The following SLC35F3 variants were observed in gnomAD, a reference collection of about 807,000 sequenced individuals.
SLC35F3 encodes the protein solute carrier family 35 member F3, also known as putative thiamine transporter SLC35F3.
In SLC35F3, 25 loss-of-function variants were observed where a neutral mutation model predicts 49.9. The observed-to-expected ratio is 0.50, with a 90% confidence interval of 0.37 to 0.70. SLC35F3 has a LOEUF of 0.70. Ranked by LOEUF, SLC35F3 falls within the 30% of genes least tolerant of loss-of-function variation. SLC35F3 has a pLI of 0.00. For missense variants in SLC35F3, 525 were observed against 639.8 expected, an observed-to-expected ratio of 0.82 and a Z score of 1.94; for synonymous variants, 275 against 265.4, an observed-to-expected ratio of 1.04 and a Z score of -0.35.
intron 2 of SLC35F3, among the ~76,000 whole-genome samples, chr1:233,985,016 G>GT (rs34725210): frequency 6.6e-6 from 1 of 152,006 alleles, no homozygotes; most frequent in African/African-American, 2.4e-5. Flanking sequence ...GCAGGGGTTG[G>GT]GGGGGTGCCC....
chr1:234,095,033 T>A (rs1010292782), intron 2 of SLC35F3, among the ~76,000 whole-genome samples: 5 of 152,208 alleles, frequency 3.3e-5, no homozygotes, highest in Admixed American at 2.0e-4. Flanking sequence ...GCAGGGGGGT[T>A]TATCTGATCA....
intron 2 of SLC35F3, among the ~76,000 whole-genome samples, chr1:234,104,896 C>T (rs775967091): frequency 2.0e-4 from 30 of 152,182 alleles, no homozygotes; most frequent in Non-Finnish European, 4.3e-4. Flanking sequence ...TTTGGGAGGC[C>T]GAGGCAGGCG....
chr1:234,217,070 T>A (rs1207311313), intron 2 of SLC35F3, among the ~76,000 whole-genome samples: 1 of 152,222 alleles, frequency 6.6e-6, no homozygotes, highest in Non-Finnish European at 1.5e-5. Flanking sequence ...TCATTTTAAC[T>A]TGAATGCACA....
chr1:234,207,640 A>G (rs1666994420), intron 2 of SLC35F3, among the ~76,000 whole-genome samples: 1 of 151,878 alleles, frequency 6.6e-6, no homozygotes, highest in African/African-American at 2.4e-5. Flanking sequence ...TAGCCATGAC[A>G]TCTCTTTTAT....
At chr1:234,145,643 C>T (rs2102905704) in intron 2 of SLC35F3, among the ~76,000 whole-genome samples, 1 of 152,134 alleles carries the variant, frequency 6.6e-6, no homozygotes, top group East Asian at 1.9e-4. Context: ...ATTCCCTAAA[C>T]AATACAGTAC....
At chr1:234,012,362 T>G (rs984562035) in intron 2 of SLC35F3, among the ~76,000 whole-genome samples, 9 of 152,236 alleles carry the variant, frequency 5.9e-5, no homozygotes, top group Admixed American at 6.5e-5. Context: ...TTTCCTCTTT[T>G]ACTAATCCAC....
At chr1:234,242,371 A>T (rs1483032202) in intron 3 of SLC35F3, among the ~76,000 whole-genome samples, 1 of 152,186 alleles carries the variant, frequency 6.6e-6, no homozygotes, top group Non-Finnish European at 1.5e-5. Flanking sequence ...ACTTCCTCTG[A>T]TGCGTTTTCC....
intron 2 of SLC35F3, among the ~76,000 whole-genome samples, chr1:234,062,244 G>A (rs1328200744): frequency 1.3e-5 from 2 of 152,176 alleles, no homozygotes; most frequent in Admixed American, 1.3e-4. Context: ...AGTTTCTGAT[G>A]TTATTCTTTG....
At chr1:234,289,370 A>C (rs1350100355) in intron 3 of SLC35F3, among the ~76,000 whole-genome samples, 1 of 152,184 alleles carries the variant, frequency 6.6e-6, no homozygotes, top group African/African-American at 2.4e-5. Flanking sequence ...GAAGAACCAA[A>C]CTTCCCACCG....
chr1:234,172,385 C>G (rs1334928802), intron 2 of SLC35F3, among the ~76,000 whole-genome samples: 1 of 152,174 alleles, frequency 6.6e-6, no homozygotes, highest in East Asian at 1.9e-4. Flanking sequence ...TGCCACCACG[C>G]CCAGCTAATA....
In SLC35F3 at chr1:234,078,888, C is replaced by T. The variant is rs192784889; in HGVS notation, c.284-152529C>T. On this transcript the variant is annotated intron_variant, in intron 2 of 7. Coordinates refer to ENST00000366618, the MANE Select transcript of SLC35F3 (RefSeq NM_173508.4). ...CTCTGTTTTTATTTAAATGTTCTTTCACCCTCACCACACTGTGATCTGCAA... is the reference window on the plus strand; with the variant it reads ...CTCTGTTTTTATTTAAATGTTCTTTTACCCTCACCACACTGTGATCTGCAA... 2.4e-3 allele frequency among the ~76,000 whole-genome samples: 370 copies of T among 152,296 alleles called. 2 individuals are homozygous for T. Among genetic ancestry groups the T allele is most frequent in the South Asian group, 1.9e-3 (9 of 4,830 alleles).
chr1:234,008,687 C>T (rs753635546), intron 2 of SLC35F3, among the ~76,000 whole-genome samples: 1 of 152,210 alleles, frequency 6.6e-6, no homozygotes, highest in Non-Finnish European at 1.5e-5. Flanking sequence ...GTACAGCCTG[C>T]CCTGGAGGAG....
intron 2 of SLC35F3, among the ~76,000 whole-genome samples, chr1:234,153,934 G>T (rs893042133): frequency 7.2e-5 from 11 of 152,092 alleles, no homozygotes; most frequent in African/African-American, 2.7e-4. Context: ...ATGGCGGCAG[G>T]CGCCTGTAGT....
At chr1:234,187,485 A>T (rs1666661154) in intron 2 of SLC35F3, among the ~76,000 whole-genome samples, 1 of 152,182 alleles carries the variant, frequency 6.6e-6, no homozygotes, top group Non-Finnish European at 1.5e-5. Flanking sequence ...TGCTCCAAGA[A>T]CTACTGCAGG....
At chr1:234,070,938 C>T (rs528963519) in intron 2 of SLC35F3, among the ~76,000 whole-genome samples, 10 of 152,306 alleles carry the variant, frequency 6.6e-5, no homozygotes, top group African/African-American at 2.4e-4. Flanking sequence ...AGAGCTTACC[C>T]TCAACTCCCA....
At chr1:234,091,467 T>G (rs1468260566) in intron 2 of SLC35F3, among the ~76,000 whole-genome samples, 1 of 152,210 alleles carries the variant, frequency 6.6e-6, no homozygotes, top group Non-Finnish European at 1.5e-5. Context: ...TGGAGGAAAT[T>G]ACAAAGTGCT....
chr1:233,963,787 C>T (rs769518288), intron 2 of SLC35F3, among the ~76,000 whole-genome samples: 13 of 152,214 alleles, frequency 8.5e-5, no homozygotes, highest in Admixed American at 5.2e-4. Flanking sequence ...AGTGTCAGAG[C>T]ATCTCATTGC....
chr1:234,062,064 G>T (rs182995694), intron 2 of SLC35F3, among the ~76,000 whole-genome samples: 1 of 152,236 alleles, frequency 6.6e-6, no homozygotes, highest in Admixed American at 6.5e-5. Flanking sequence ...AGACAAAAAT[G>T]TTACCTAAAA....
At chr1:233,955,306 G>A (rs543283662) in intron 2 of SLC35F3, among the ~76,000 whole-genome samples, 1 of 152,102 alleles carries the variant, frequency 6.6e-6, no homozygotes, top group African/African-American at 2.4e-5. Flanking sequence ...ATTGATTAGA[G>A]TAGTTCAGCA....
Sources: allele counts gnomAD v4.1 joint callset (sites outside exome capture counted in the v4.1 genomes callset), GRCh38; gene constraint gnomAD v4.1.1; transcripts MANE v1.5; gene names NCBI Gene and HGNC (gene_info 2026-07-23, HGNC 2026-07-21).